The following GSTCD variants were observed in gnomAD, a reference collection of about 807,000 sequenced individuals.
GSTCD encodes glutathione S-transferase C-terminal domain-containing protein.
GSTCD carries 44 observed loss-of-function variants against 68.3 expected under a neutral mutation model. That is an observed-to-expected ratio of 0.64 (90% confidence interval 0.51 to 0.83). GSTCD has a LOEUF of 0.83. Ranked by LOEUF, GSTCD falls within the 40% of genes least tolerant of loss-of-function variation. The pLI is 0.00. For missense variants in GSTCD, 739 were observed against 735.9 expected, an observed-to-expected ratio of 1.00 and a Z score of -0.05; for synonymous variants, 273 against 255.2, an observed-to-expected ratio of 1.07 and a Z score of -0.67.
At chr4:105,713,453 A>G (rs961708764) in intron 1 of GSTCD, among the ~76,000 whole-genome samples, 14 of 152,350 alleles carry the variant, frequency 9.2e-5, no homozygotes, top group Admixed American at 7.2e-4. Context: ...CACTTTGGTA[A>G]AATTGCTTCA....
chr4:105,763,752 G>C (rs1376808387), intron 5 of GSTCD, among the ~76,000 whole-genome samples: 2 of 152,030 alleles, frequency 1.3e-5, no homozygotes, highest in Admixed American at 6.6e-5. Context: ...TTAAAGTTTG[G>C]AATCAAATTT....
intron 5 of GSTCD, among the ~76,000 whole-genome samples, chr4:105,764,189 T>C (rs1734520610): frequency 6.6e-6 from 1 of 152,152 alleles, no homozygotes. Flanking sequence ...TGCTTTATAT[T>C]AGCAAAAAAG....
chr4:105,792,711 T>C (rs1212426165), intron 5 of GSTCD, among the ~76,000 whole-genome samples: 1 of 152,044 alleles, frequency 6.6e-6, no homozygotes, highest in Admixed American at 6.5e-5. Flanking sequence ...GAAAATGAGA[T>C]TGAGCTAGAT....
rs1365952352 is a variant in GSTCD, at chr4:105,726,732, A to G, written c.1048A>G (p.Thr350Ala). The change falls in exon 4 of 12, where the codon ACT (threonine) becomes GCT (alanine). Residue 350 changes from threonine (T) to alanine (A), a missense_variant. Thr to Ala is a moderately conservative substitution (Grantham distance 58, BLOSUM62 0). Coordinates refer to ENST00000515279, the MANE Select transcript of GSTCD (RefSeq NM_001370181.1). Reference sequence around the variant, plus strand: ...TTTACCAAAGTTGTTGACAACCTCAACTGAACAGCATCCAAACTTATGTGA... The same window carrying G: ...TTTACCAAAGTTGTTGACAACCTCAGCTGAACAGCATCCAAACTTATGTGA... The part of the protein sequence containing the change: ...LHLPKLLTTS[T>A]EQHPNLCEVP... 6 of 1,613,830 alleles carry G rather than the reference A, an allele frequency of 3.7e-6. No homozygotes were observed. In the African/African-American group the frequency reaches 4.0e-5, roughly 11 times the overall value.
intron 5 of GSTCD, among the ~76,000 whole-genome samples, chr4:105,770,037 G>A (rs556400508): frequency 6.6e-6 from 1 of 152,114 alleles, no homozygotes; most frequent in Non-Finnish European, 1.5e-5. Flanking sequence ...AGGATTACAG[G>A]TGTGAACCAC....
At chr4:105,766,593 C>T (rs1734617312) in intron 5 of GSTCD, among the ~76,000 whole-genome samples, 1 of 152,072 alleles carries the variant, frequency 6.6e-6, no homozygotes, top group Non-Finnish European at 1.5e-5. Context: ...TCATAATACC[C>T]ACGTAAAAAT....
At chr4:105,826,997 C>T (rs1032160671) in intron 8 of GSTCD, 2 of 152,190 alleles carry the variant, frequency 1.3e-5, no homozygotes, top group South Asian at 4.1e-4. Context: ...ATATGCTATT[C>T]GTTTCCTTTG....
intron 5 of GSTCD, among the ~76,000 whole-genome samples, chr4:105,760,319 T>C (rs1308190078): frequency 6.6e-6 from 1 of 152,144 alleles, no homozygotes; most frequent in African/African-American, 2.4e-5. Context: ...TTTGGAAGCC[T>C]GTGGGAGCAG....
intron 5 of GSTCD, among the ~76,000 whole-genome samples, chr4:105,742,694 GT>G (rs1277639349): frequency 1.4e-5 from 2 of 141,604 alleles, no homozygotes; most frequent in Non-Finnish European, 3.1e-5. Context: ...CTCTTTTTTT[GT>G]TGTTGTTTTT....
chr4:105,845,460 G>A lies in GSTCD; in HGVS notation c.1785G>A (p.Leu595=). Residue 595 remains leucine (L), a synonymous_variant, in exon 12 of 12, where the codon TTG becomes TTA. Coordinates refer to ENST00000515279, the MANE Select transcript of GSTCD (RefSeq NM_001370181.1). ...RRLIGKQCMC[L]VDLDRARAAE... ...TTTCAGGAAAACAGTGCATGTGCTTGGTGGATCTGGATCGAGCAAGAGCTG... is the reference window on the plus strand; with the variant it reads ...TTTCAGGAAAACAGTGCATGTGCTTAGTGGATCTGGATCGAGCAAGAGCTG... 1 of 1,614,144 alleles carries A rather than the reference G, an allele frequency of 6.2e-7. No homozygotes were observed.
chr4:105,726,162 A>G lies in GSTCD; in HGVS notation c.895-417A>G, dbSNP rs914463457. On this transcript the variant is annotated intron_variant, in intron 3 of 11. Coordinates refer to ENST00000515279, the MANE Select transcript of GSTCD (RefSeq NM_001370181.1). ...CAACCAGTGAATGAGTAAGCAAAAT[A>G]TAGTATATCCACACAATGACTACTA... 2.0e-5 allele frequency among the ~76,000 whole-genome samples: 3 copies of G among 152,210 alleles called. No individual in the cohort carries two copies. The East Asian group carries it at 5.8e-4, about 29-fold the overall frequency.
At chr4:105,709,911 T>G (rs1310135619) in intron 1 of GSTCD, among the ~76,000 whole-genome samples, 1 of 152,228 alleles carries the variant, frequency 6.6e-6, no homozygotes, top group African/African-American at 2.4e-5. Context: ...AATAAACTGT[T>G]ATAACACAAC....
intron 5 of GSTCD, among the ~76,000 whole-genome samples, chr4:105,731,199 G>C (rs977139255): frequency 6.6e-6 from 1 of 152,194 alleles, no homozygotes; most frequent in African/African-American, 2.4e-5. Flanking sequence ...GCTTAGGATT[G>C]TCTTGGCAAT....
At chr4:105,758,896 T>G (rs1734295445) in intron 5 of GSTCD, among the ~76,000 whole-genome samples, 1 of 152,218 alleles carries the variant, frequency 6.6e-6, no homozygotes, top group Non-Finnish European at 1.5e-5. Flanking sequence ...TGTTTTATTT[T>G]GTATTATTTT....
chr4:105,829,328 G>A (rs1723802588), intron 8 of GSTCD, among the ~76,000 whole-genome samples: 1 of 151,662 alleles, frequency 6.6e-6, no homozygotes, highest in Non-Finnish European at 1.5e-5. Context: ...TCTTTAATAT[G>A]AACAGCTAAA....
intron 7 of GSTCD, among the ~76,000 whole-genome samples, chr4:105,824,806 A>G (rs1252683859): frequency 1.6e-4 from 24 of 152,080 alleles, no homozygotes; most frequent in Admixed American, 1.6e-3. Flanking sequence ...TCACCATGAC[A>G]CACATTGTGC....
intron 5 of GSTCD, among the ~76,000 whole-genome samples, chr4:105,787,875 T>C (rs1490890398): frequency 6.6e-6 from 1 of 152,106 alleles, no homozygotes; most frequent in Non-Finnish European, 1.5e-5. Context: ...ATTACTATTT[T>C]AAAACTAAAC....
intron 5 of GSTCD, among the ~76,000 whole-genome samples, chr4:105,770,562 C>T (rs1361642271): frequency 2.6e-5 from 4 of 152,098 alleles, no homozygotes; most frequent in African/African-American, 4.8e-5. Flanking sequence ...ATGATATTCC[C>T]CTCCCTGTGT....
chr4:105,814,916 GT>G (rs1286674256), intron 5 of GSTCD, among the ~76,000 whole-genome samples: 7 of 152,168 alleles, frequency 4.6e-5, no homozygotes, highest in Non-Finnish European at 8.8e-5. Flanking sequence ...TGCCTTTGCG[GT>G]TTATACAGAC....
Sources: gnomAD v4.1 joint callset for allele counts (sites outside exome capture counted in the v4.1 genomes callset) on GRCh38, gnomAD v4.1.1 for gene constraint, MANE v1.5 for transcripts, NCBI Gene and HGNC (gene_info 2026-07-23, HGNC 2026-07-21) for gene names.